FNBP4: variants seen among roughly 807,000 people sequenced by gnomAD.
The protein encoded by FNBP4 is formin binding protein 4.
In FNBP4, 34 loss-of-function variants were observed where a neutral mutation model predicts 119.3. The observed-to-expected ratio is 0.28, with a 90% CI of 0.22 to 0.38. The LOEUF (loss-of-function observed/expected upper bound fraction) is 0.38, where lower values mean the gene tolerates loss of function less well. Ranked by LOEUF, FNBP4 falls within the 10% of genes least tolerant of loss-of-function variation. The pLI is 1.00. For missense variants in FNBP4, 1,112 were observed against 1,228.9 expected, an observed-to-expected ratio of 0.90 and a Z score of 1.42; for synonymous variants, 462 against 430.6, an observed-to-expected ratio of 1.07 and a Z score of -0.90.
At chr11:47,724,923 A>G in intron 12 of FNBP4, 145 bp from the exon 13 acceptor site, 1 of 1,225,488 alleles carries the variant, frequency 8.2e-7, no homozygotes, top group South Asian at 2.0e-5. Flanking sequence ...GGTGTCAAAC[A>G]GCAGGGAATG....
chr11:47,749,559 A>G lies in FNBP4; in HGVS notation c.906+1357T>C, dbSNP rs1008719489. Reference sequence around the variant, plus strand: ...TAACCAAGCAAGACTCTGTCTCAAAAAGAAAAAAATTAAAATTAAAATATA... The same window carrying G: ...TAACCAAGCAAGACTCTGTCTCAAAGAGAAAAAAATTAAAATTAAAATATA... On this transcript the variant is annotated intron_variant, in intron 6 of 16. Coordinates refer to ENST00000263773, the MANE Select transcript of FNBP4 (RefSeq NM_015308.5). Among the ~76,000 whole-genome samples the G allele has an allele frequency of 5.3e-5, 8 of 152,318 alleles. No homozygotes were observed. In the South Asian group the frequency reaches 1.7e-3, roughly 32 times the overall value.
At chr11:47,762,739 G>A (rs2097638368) in intron 2 of FNBP4, among the ~76,000 whole-genome samples, 2 of 151,180 alleles carry the variant, frequency 1.3e-5, no homozygotes, top group African/African-American at 2.4e-5. Flanking sequence ...ATGGTGAACC[G>A]TCTCTACTGA....
At chr11:47,752,815 A>AAACC (rs2097606953) in intron 4 of FNBP4, 101 bp downstream of exon 4, 13 of 976,642 alleles carry the variant, frequency 1.3e-5, no homozygotes, top group Non-Finnish European at 1.7e-5. Context: ...TTCCATCTCA[A>AAACC]AACAAACAAA....
intron 12 of FNBP4, chr11:47,730,018 T>G (rs1196771087): frequency 1.0e-6 from 1 of 985,288 alleles, no homozygotes; most frequent in African/African-American, 1.7e-5. Context: ...GTATCAACTA[T>G]GTGTGTCATA....
In FNBP4 at chr11:47,765,341, T is replaced by C; in HGVS notation, c.242A>G (p.Glu81Gly). 2 of 1,600,160 alleles carry C rather than the reference T, an allele frequency of 1.2e-6. No individual in the cohort carries two copies. Among genetic ancestry groups the C allele is most frequent in the African/African-American group, 1.4e-5 (1 of 73,094 alleles). ...PSEDEQEAVQ[E>G]VPRVVQNPPK... ...AGGATTCTGAACAACTCTAGGAACC[T>C]CCTGCACCGCTTCCTGTTCATCTGG... The change falls in exon 2 of 17, where the codon GAG becomes GGG. Residue 81 changes from glutamate to glycine, a missense_variant. Around this residue, in one of 2 missense-constraint regions of FNBP4, gnomAD observed 286 missense variants for 240.1 expected, o/e 1.19. Coordinates refer to ENST00000263773, the MANE Select transcript of FNBP4 (RefSeq NM_015308.5).
At chr11:47,726,908 G>A (rs1311429329) in intron 12 of FNBP4, 1 of 152,162 alleles carries the variant, frequency 6.6e-6, no homozygotes, top group Non-Finnish European at 1.5e-5. Flanking sequence ...GGCTAGTCAA[G>A]TGAAGCAGCA....
chr11:47,720,343 C>T (rs551686557), intron 15 of FNBP4, among the ~76,000 whole-genome samples: 4 of 151,704 alleles, frequency 2.6e-5, no homozygotes, highest in East Asian at 1.9e-4. Context: ...CTGAGGCGGG[C>T]GGATCACAAG....
rs764030771 is a variant in FNBP4, at chr11:47,746,074, T to C, written c.1227A>G (p.Leu409=). The C allele has an allele frequency of 1.9e-6, 3 of 1,593,756 alleles. No homozygotes were observed. The highest frequency in any genetic ancestry group is 1.4e-5 in the African/African-American group (1 of 73,420). ...EEEQDTLELE[L]VLERKKAELR... ...AGCTTACTTTTTTCCTTTCCAAAAC[T>C]AGCTCCAGTTCAAGGGTATCTTGTT... Residue 409 remains leucine, a synonymous_variant, in exon 7 of 17, where the codon CTA becomes CTG. Transcript: ENST00000263773.
chr11:47,743,909 T>C (rs1308641544), intron 8 of FNBP4, 44 bp downstream of exon 8: 24 of 1,545,826 alleles, frequency 1.6e-5, no homozygotes, highest in Non-Finnish European at 2.1e-5. Context: ...TTCCTTCCCC[T>C]CTATATCTTT....
At chr11:47,739,037 C>G (rs989190354) in intron 8 of FNBP4, among the ~76,000 whole-genome samples, 2 of 150,904 alleles carry the variant, frequency 1.3e-5, no homozygotes, top group African/African-American at 4.9e-5. Context: ...TACTCTGTTG[C>G]CCAGGTGGGA....
intron 13 of FNBP4, 25 bp from the exon 14 acceptor site, chr11:47,724,197 G>A (rs954849128): frequency 6.2e-7 from 1 of 1,612,738 alleles, no homozygotes; most frequent in Non-Finnish European, 8.5e-7. Context: ...TTTGTTATCA[G>A]TGGCTGAAGG....
chr11:47,763,674 G>A (rs1295829558), intron 2 of FNBP4, among the ~76,000 whole-genome samples: 6 of 151,914 alleles, frequency 3.9e-5, no homozygotes, highest in Non-Finnish European at 7.4e-5. Flanking sequence ...CTAATTTTCT[G>A]TATTTTTAAT....
At chr11:47,765,395 A>C in intron 1 of FNBP4, 33 bp from the exon 2 acceptor site, 1 of 1,350,108 alleles carries the variant, frequency 7.4e-7, no homozygotes, top group Non-Finnish European at 1.0e-6. Context: ...AAAAGAAAAG[A>C]AAAGAAAAGA....
chr11:47,750,896 A>AGGTAAGTTTC lies in FNBP4; in HGVS notation c.906+10_906+19dup. On this transcript the variant is annotated intron_variant, in intron 6 of 16. Transcript: ENST00000263773. ...TATTAGATCTGAAAATAAACAAATG[A>AGGTAAGTTTC]GGTAAGTTTCGACACTGACCTTTTT... The AGGTAAGTTTC allele has an allele frequency of 6.2e-7, 1 of 1,612,404 alleles. No individual in the cohort carries two copies. The highest frequency in any genetic ancestry group is 8.5e-7 in the Non-Finnish European group (1 of 1,179,522).
intron 2 of FNBP4, among the ~76,000 whole-genome samples, chr11:47,763,424 A>G: frequency 1.5e-5 from 1 of 66,032 alleles, no homozygotes; most frequent in Non-Finnish European, 4.9e-5. Flanking sequence ...TGAACTCAAA[A>G]AAAAAAAAAA....
At chr11:47,748,974 T>C (rs1388489198) in intron 6 of FNBP4, among the ~76,000 whole-genome samples, 1 of 152,104 alleles carries the variant, frequency 6.6e-6, no homozygotes, top group Non-Finnish European at 1.5e-5. Flanking sequence ...AGTATTTTTT[T>C]TGGGCTACAT....
intron 3 of FNBP4, among the ~76,000 whole-genome samples, chr11:47,753,807 A>C (rs1238324185): frequency 1.3e-5 from 2 of 152,022 alleles, no homozygotes; most frequent in Admixed American, 6.6e-5. Flanking sequence ...GGAGAAAAAA[A>C]AAATTCTAGA....
At position 47,750,943 on chromosome 11, in the gene FNBP4, T is replaced by C; in HGVS notation, c.879A>G (p.Pro293=). ...TTTTAACTTCTCGCTTGGCTATGAC[T>C]GGTCCACTTTTACTACTGGAAACAG... ...TISVSSSKSG[P]VIAKREVKKE... is the part of the protein sequence containing the mutation. Residue 293 remains proline (P), a synonymous_variant, in exon 6 of 17, where the codon CCA becomes CCG. Coordinates refer to ENST00000263773, the MANE Select transcript of FNBP4 (RefSeq NM_015308.5). The C allele has an allele frequency of 6.2e-7, 1 of 1,614,078 alleles. No homozygotes were observed. Among genetic ancestry groups the C allele is most frequent in the Non-Finnish European group, 8.5e-7 (1 of 1,180,002 alleles).
chr11:47,754,279 C>T (rs910812149), intron 3 of FNBP4, among the ~76,000 whole-genome samples: 3 of 151,700 alleles, frequency 2.0e-5, no homozygotes, highest in Admixed American at 6.6e-5. Flanking sequence ...TTTGGAAGGC[C>T]GAGGTGGGAG....
Sources: allele counts gnomAD v4.1 joint callset (sites outside exome capture counted in the v4.1 genomes callset), GRCh38; gene constraint gnomAD v4.1.1; regional missense constraint gnomAD v4.1.1; transcripts MANE v1.5; gene names NCBI Gene and HGNC (gene_info 2026-07-23, HGNC 2026-07-21).